MOBP: variants seen among roughly 807,000 people sequenced by gnomAD.
MOBP encodes the protein myelin-associated oligodendrocyte basic protein.
Under a neutral mutation model 15.0 loss-of-function variants are expected in MOBP, and 5 were observed. That is an observed-to-expected ratio of 0.33 (90% CI 0.17 to 0.70). The LOEUF (loss-of-function observed/expected upper bound fraction) is 0.70. MOBP is among the 30% of genes least tolerant of loss of function. The probability of loss-of-function intolerance (pLI) is 0.67; values close to 1 mark genes in which losing one functional copy is unlikely to be tolerated. For missense variants in MOBP, 188 were observed against 257.8 expected, an observed-to-expected ratio of 0.73 and a Z score of 1.85; for synonymous variants, 88 against 99.0, an observed-to-expected ratio of 0.89 and a Z score of 0.66.
chr3:39,496,749 T>C (rs10049293), intron 2 of MOBP, among the ~76,000 whole-genome samples: 11,839 of 152,016 alleles, frequency 0.078, 1,091 homozygotes, highest in African/African-American at 0.22. Flanking sequence ...CCACAACCTC[T>C]GCCTCCCGGG....
rs1283766742 is a variant in MOBP, at chr3:39,502,816, G to C, written c.488G>C (p.Ser163Thr). ...AAGTCCAAGCAACAGCCGCGCAGCA[G>C]CCCCCTCAGAGGGCCAGGCGCCAGC... ...PQKSKQQPRSSPLRGPGASRG... is the reference protein window; with the variant it reads ...PQKSKQQPRSTPLRGPGASRG... The change falls in exon 4 of 4, where the codon AGC (serine) becomes ACC (threonine). Residue 163 changes from serine to threonine, a missense_variant. Ser to Thr is a moderately conservative substitution (Grantham distance 58). Around this residue, in one of 2 missense-constraint regions of MOBP, gnomAD observed 55 missense variants for 45.2 expected, o/e 1.22. Coordinates refer to ENST00000684792, the MANE Select transcript of MOBP (RefSeq NM_001393704.1). This position sits in a 1 kb window ranked among gnomAD's most constrained non-coding sequence, Gnocchi z 6.3. 1.3e-6 allele frequency: 2 copies of C among 1,531,686 alleles called. No individual in the cohort carries two copies. The highest frequency in any genetic ancestry group is 8.7e-7 in the Non-Finnish European group (1 of 1,143,838). The allele number at this position is 1,531,686 out of a possible 1,614,324, so 94.9% of individuals were successfully genotyped here.
Position 39,468,889 on chromosome 3 carries a change from GTATA to G in MOBP, c.-89+1154_-89+1157del, listed in dbSNP as rs1167506534. On this transcript the variant is annotated intron_variant, in intron 1 of 3. Transcript: ENST00000684792. ...TATATACATATATACATATGTGTGT[GTATA>G]TATACATATATACATATGAGTGTGT... Among the ~76,000 whole-genome samples, 6 of 107,044 alleles carry G rather than the reference GTATA, an allele frequency of 5.6e-5. 1 individual carries two copies. In the East Asian group the frequency reaches 1.6e-3, roughly 28 times the overall value. The allele number at this position is 107,044 out of a possible 152,430, so 70.2% of individuals were successfully genotyped here. A position where few individuals can be genotyped will look rare whatever the true frequency, so the allele number is the denominator to read the frequency against.
intron 2 of MOBP, among the ~76,000 whole-genome samples, chr3:39,484,156 C>G (rs749196562): frequency 5.9e-5 from 9 of 152,158 alleles, no homozygotes; most frequent in Non-Finnish European, 1.0e-4. Context: ...GGGATCAAAT[C>G]CTGATGAGGT....
At chr3:39,529,105 A>G (rs1050386897), downstream of MOBP, 5 of 152,218 alleles carry the variant, frequency 3.3e-5, no homozygotes, top group African/African-American at 1.2e-4. Context: ...GATGTCAGAA[A>G]ATGTTAGGTA....
chr3:39,492,336 A>T (rs1009513278), intron 2 of MOBP, among the ~76,000 whole-genome samples: 7 of 152,060 alleles, frequency 4.6e-5, no homozygotes, highest in Non-Finnish European at 1.0e-4. Context: ...TGCCATGAAG[A>T]TACTCAGGTT....
At chr3:39,489,354 T>G (rs926948363) in intron 2 of MOBP, among the ~76,000 whole-genome samples, 3 of 152,206 alleles carry the variant, frequency 2.0e-5, no homozygotes, top group African/African-American at 7.2e-5. Context: ...TCTTCTTCTC[T>G]GTACCCTAAG....
intron 2 of MOBP, among the ~76,000 whole-genome samples, chr3:39,500,688 C>A (rs1768244): frequency 0.35 from 53,706 of 151,824 alleles, 12,761 homozygotes; most frequent in African/African-American, 0.68. Flanking sequence ...AATATTAATA[C>A]CTTTTCAAGA....
chr3:39,512,786 G>T lies in MOBP; in HGVS notation c.*-597G>T, dbSNP rs75832425. 7.6e-3 allele frequency among the ~76,000 whole-genome samples: 1,151 copies of T among 152,180 alleles called. 7 individuals carry two copies. The highest frequency in any genetic ancestry group is 0.036 in the East Asian group (185 of 5,180). ...TATTTGACATAGCCTCATTTCAAAG[G>T]CAGTCACATAGAGTTCTGCTATCTA... On this transcript the variant is annotated intron_variant, in intron 4 of 4. Coordinates refer to the MOBP transcript ENST00000311042.
intron 3 of MOBP, among the ~76,000 whole-genome samples, chr3:39,523,737 T>C (rs780117958): frequency 7.2e-5 from 11 of 152,168 alleles, no homozygotes; most frequent in Non-Finnish European, 1.0e-4. Flanking sequence ...TTTGAGAGTA[T>C]TGGCTCAAAG....
In MOBP at chr3:39,469,097, CAT is replaced by C. The variant is rs1462766748; in HGVS notation, c.-89+1360_-89+1361del. 8.5e-3 allele frequency among the ~76,000 whole-genome samples: 367 copies of C among 43,036 alleles called. 79 individuals carry two copies. The highest frequency in any genetic ancestry group is 0.01 in the Non-Finnish European group (248 of 24,344). The allele number at this position is 43,036 out of a possible 152,430, so 28.2% of individuals were successfully genotyped here. A position where few individuals can be genotyped will look rare whatever the true frequency, so the allele number is the denominator to read the frequency against. On this transcript the variant is annotated intron_variant, in intron 1 of 3. Transcript: ENST00000684792. The stretch of plus-strand genomic sequence containing the variant: ...ATGTGTGTGTGTATATACATATATA[CAT>C]ATGTGTGTGTATATATACATATATA...
chr3:39,468,768 GTA>G (rs1374936110), intron 1 of MOBP, among the ~76,000 whole-genome samples: 5 of 87,526 alleles, frequency 5.7e-5, no homozygotes, highest in Admixed American at 1.0e-4. Flanking sequence ...ACATGTGTGT[GTA>G]TATATACATA....
intron 2 of MOBP, among the ~76,000 whole-genome samples, chr3:39,489,423 A>G (rs1357338722): frequency 6.6e-6 from 1 of 152,150 alleles, no homozygotes; most frequent in Non-Finnish European, 1.5e-5. Context: ...AAGGTACTCA[A>G]TAAATCTTCA....
chr3:39,508,124 C>A (rs1306961143), intron 4 of MOBP, among the ~76,000 whole-genome samples: 1 of 152,302 alleles, frequency 6.6e-6, no homozygotes, highest in Non-Finnish European at 1.5e-5. Flanking sequence ...TATCCTATCA[C>A]TAAGCAGTTT....
At chr3:39,520,895 A>C (rs1575325279), downstream of MOBP, among the ~76,000 whole-genome samples, 1 of 152,010 alleles carries the variant, frequency 6.6e-6, no homozygotes, top group Non-Finnish European at 1.5e-5. Context: ...TTTAGTGTAC[A>C]TATCTCACCC....
At chr3:39,490,328 G>T (rs2042777024) in intron 2 of MOBP, among the ~76,000 whole-genome samples, 1 of 152,084 alleles carries the variant, frequency 6.6e-6, no homozygotes, top group Admixed American at 6.5e-5. Flanking sequence ...AGAATGAAAG[G>T]TTAAAAGATT....
intron 4 of MOBP, among the ~76,000 whole-genome samples, chr3:39,511,624 C>T (rs77821032): frequency 0.017 from 2,595 of 152,286 alleles, 79 homozygotes; most frequent in African/African-American, 0.06. Context: ...TTTCTGTGAG[C>T]TCCCTTGATA....
intron 1 of MOBP, among the ~76,000 whole-genome samples, chr3:39,470,097 C>G (rs1356230446): frequency 1.3e-5 from 2 of 152,134 alleles, no homozygotes; most frequent in African/African-American, 4.8e-5. Context: ...ATAGAGTTTC[C>G]CTGGGTAGCC....
chr3:39,483,338 T>C (rs976291434), intron 2 of MOBP, among the ~76,000 whole-genome samples: 1 of 152,254 alleles, frequency 6.6e-6, no homozygotes, highest in Non-Finnish European at 1.5e-5. Flanking sequence ...TCTACCAGTG[T>C]AATTGCTATT....
downstream of MOBP, chr3:39,526,366 A>G (rs1231338836): frequency 2.0e-5 from 3 of 152,248 alleles, no homozygotes; most frequent in African/African-American, 4.8e-5. Context: ...GGATGAATCA[A>G]AACTATCTGA....
Sources: allele counts gnomAD v4.1 joint callset (sites outside exome capture counted in the v4.1 genomes callset), GRCh38; gene constraint gnomAD v4.1.1; regional missense constraint gnomAD v4.1.1; non-coding constraint Gnocchi (gnomAD v3.1); transcripts MANE v1.5; gene names NCBI Gene and HGNC (gene_info 2026-07-23, HGNC 2026-07-21).